Variants in PPFIA2 observed in about 807,000 individuals in gnomAD.
PPFIA2 encodes liprin-alpha-2.
A neutral mutation model predicts 175.5 loss-of-function variants in PPFIA2; 46 were observed. The ratio of observed to expected loss-of-function variants is 0.26; its 90% CI spans 0.21 to 0.34. The LOEUF (loss-of-function observed/expected upper bound fraction) is 0.34. Ranked by LOEUF, PPFIA2 falls within the 10% of genes least tolerant of loss-of-function variation. The pLI, the probability that PPFIA2 is intolerant of heterozygous loss-of-function variation, is 1.00. For missense variants in PPFIA2, 1,179 were observed against 1,506.1 expected (o/e 0.78, Z 3.60); for synonymous variants, 568 against 511.4 (o/e 1.11, Z -1.49).
At chr12:81,679,059 A>G (rs2153573215) in intron 3 of PPFIA2, among the ~76,000 whole-genome samples, 1 of 152,058 alleles carries the variant, frequency 6.6e-6, no homozygotes, top group Non-Finnish European at 1.5e-5. Flanking sequence ...ATAAATTGAC[A>G]AGGAATATTA....
intron 3 of PPFIA2, among the ~76,000 whole-genome samples, chr12:81,725,044 C>T (rs1218087812): frequency 2.6e-5 from 4 of 151,010 alleles, no homozygotes; most frequent in Non-Finnish European, 5.9e-5. Flanking sequence ...GGTGGTATCT[C>T]ATTGTGATTT....
At chr12:81,296,724 GA>G (rs2046524873) in intron 23 of PPFIA2, 1 of 151,554 alleles carries the variant, frequency 6.6e-6, no homozygotes, top group South Asian at 2.1e-4. Context: ...AAGAGCTCTG[GA>G]CCACAAATCA....
chr12:81,685,787 T>C (rs1445351624), intron 3 of PPFIA2, among the ~76,000 whole-genome samples: 1 of 152,088 alleles, frequency 6.6e-6, no homozygotes, highest in Non-Finnish European at 1.5e-5. Context: ...TGCCAGATTG[T>C]ACTTTATTTT....
In PPFIA2 at chr12:81,268,030, C is replaced by A; in HGVS notation, c.3368G>T (p.Arg1123Leu). The A allele has an allele frequency of 6.3e-7, 1 of 1,595,872 alleles. No individual in the cohort carries two copies. Among genetic ancestry groups the A allele is most frequent in the Non-Finnish European group, 8.5e-7 (1 of 1,170,200 alleles). Residue 1123 changes from arginine to leucine, a missense_variant, in exon 29 of 33, where the codon CGA (arginine) becomes CTA (leucine). Arg to Leu is a moderately radical substitution (Grantham distance 102). This residue lies in a region of PPFIA2 where 245 missense variants were observed against 375.1 expected (regional missense o/e 0.65). Transcript: ENST00000549396. ...CTCAAGTATATTATTTGCATATTCT[C>A]GAAGTCCAATTGCTTGTATCCAGCG... is the stretch of plus-strand genomic sequence containing the variant. ...VIRWIQAIGLREYANNILESG... is the reference protein window; with the variant it reads ...VIRWIQAIGLLEYANNILESG...
intron 4 of PPFIA2, among the ~76,000 whole-genome samples, chr12:81,539,993 G>A (rs1017312836): frequency 6.6e-6 from 1 of 151,952 alleles, no homozygotes; most frequent in Non-Finnish European, 1.5e-5. Context: ...GGCATTATTA[G>A]CATTCCAGAA....
Position 81,694,378 on chromosome 12 carries a change from C to T in PPFIA2, c.250-17534G>A, listed in dbSNP as rs75477904. On this transcript the variant is annotated intron_variant, in intron 3 of 32. Coordinates refer to ENST00000549396, the MANE Select transcript of PPFIA2 (RefSeq NM_003625.5). ...CTGTCCTGTGCAGCCTTCTTGGCAT[C>T]CTGGTTGCTCCTGCTCCAGCCTTGG... Among the ~76,000 whole-genome samples, 1,080 of 152,238 alleles carry T rather than the reference C, an allele frequency of 7.1e-3. 20 individuals carry two copies. The highest frequency in any genetic ancestry group is 0.025 in the African/African-American group (1,026 of 41,566).
intron 2 of PPFIA2, among the ~76,000 whole-genome samples, chr12:81,755,159 A>C (rs1332153298): frequency 6.6e-6 from 1 of 152,232 alleles, no homozygotes; most frequent in Admixed American, 6.5e-5. Context: ...CTCAGTCATG[A>C]AATAAACGAA....
chr12:81,302,264 C>T, intron 22 of PPFIA2: 1 of 372,250 alleles, frequency 2.7e-6, no homozygotes, highest in South Asian at 2.0e-5. Flanking sequence ...GCTTTTATTT[C>T]CCACTTTCTC....
chr12:81,525,484 C>T (rs1381783076), intron 4 of PPFIA2, among the ~76,000 whole-genome samples: 1 of 151,956 alleles, frequency 6.6e-6, no homozygotes, highest in Non-Finnish European at 1.5e-5. Flanking sequence ...GTAGGTAACC[C>T]CTAAGAGCTG....
In PPFIA2 at chr12:81,306,053, C is replaced by T. The variant is rs537414361; in HGVS notation, c.2643-6671G>A. Among the ~76,000 whole-genome samples the T allele has an allele frequency of 2.0e-5, 3 of 152,282 alleles. No individual in the cohort carries two copies. The South Asian group carries it at 6.2e-4, about 32-fold the overall frequency. On this transcript the variant is annotated intron_variant, in intron 22 of 32. Transcript: ENST00000549396. ...TCCAAATACCATACAGCACTGTCCC[C>T]TCTGTCACTCATGATGGCCATTTCA...
intron 21 of PPFIA2, among the ~76,000 whole-genome samples, chr12:81,329,798 C>T (rs1023161141): frequency 6.6e-6 from 1 of 152,224 alleles, no homozygotes; most frequent in Non-Finnish European, 1.5e-5. Flanking sequence ...GATGGCACTA[C>T]TTCCCTTCTG....
chr12:81,355,810 C>G (rs142139379), intron 16 of PPFIA2, among the ~76,000 whole-genome samples: 64 of 152,256 alleles, frequency 4.2e-4, no homozygotes, highest in Non-Finnish European at 8.1e-4. Flanking sequence ...TGGTCTTGCT[C>G]TGGGTTATGC....
chr12:81,292,176 T>C (rs1307130024), intron 24 of PPFIA2: 2 of 152,138 alleles, frequency 1.3e-5, no homozygotes, highest in Non-Finnish European at 2.9e-5. Context: ...TTCATAATGT[T>C]TAATAATTTT....
At chr12:81,377,025 A>G (rs1210648879) in intron 9 of PPFIA2, among the ~76,000 whole-genome samples, 2 of 152,098 alleles carry the variant, frequency 1.3e-5, no homozygotes, top group Non-Finnish European at 2.9e-5. Flanking sequence ...AAGAAATAAA[A>G]TAGGTAATGT....
At chr12:81,664,227 G>T (rs1005309662) in intron 4 of PPFIA2, among the ~76,000 whole-genome samples, 5 of 152,048 alleles carry the variant, frequency 3.3e-5, no homozygotes, top group African/African-American at 1.2e-4. Flanking sequence ...CACAGCAAAA[G>T]AAACTACCAT....
intron 4 of PPFIA2, among the ~76,000 whole-genome samples, chr12:81,673,948 C>G (rs755442853): frequency 2.0e-5 from 3 of 151,930 alleles, no homozygotes; most frequent in Non-Finnish European, 4.4e-5. Flanking sequence ...CTATTTAACA[C>G]TTATTGTTAA....
rs373965554 is a variant in PPFIA2 at position 81,267,885 on chromosome 12, T to C, written c.3486+27A>G. The stretch of plus-strand genomic sequence containing the variant: ...TTATCATTATATAAACCAGAACACA[T>C]TGAGACTACAGCAGAAAGTGACTTG... On this transcript the variant is annotated intron_variant, in intron 29 of 32. Coordinates refer to ENST00000549396, the MANE Select transcript of PPFIA2 (RefSeq NM_003625.5). 4 of 1,564,166 alleles carry C rather than the reference T, an allele frequency of 2.6e-6. No homozygotes were observed. The African/African-American group carries it at 4.1e-5, about 16-fold the overall frequency.
intron 12 of PPFIA2, 93 bp downstream of exon 12, chr12:81,369,017 TA>T: frequency 7.8e-7 from 1 of 1,281,206 alleles, no homozygotes. Flanking sequence ...AAGTTTTAAA[TA>T]TAACCCATAC....
chr12:81,561,137 A>G (rs2069978473), intron 4 of PPFIA2, among the ~76,000 whole-genome samples: 1 of 152,172 alleles, frequency 6.6e-6, no homozygotes, highest in South Asian at 2.1e-4. Flanking sequence ...AGATAACAGC[A>G]TCTATTTCTA....
Sources: gnomAD v4.1 joint callset for allele counts (sites outside exome capture counted in the v4.1 genomes callset) on GRCh38, gnomAD v4.1.1 for gene constraint, gnomAD v4.1.1 regional missense constraint, MANE v1.5 for transcripts, NCBI Gene and HGNC (gene_info 2026-07-23, HGNC 2026-07-21) for gene names.